The following NR5A2 variants were observed in gnomAD, a reference collection of about 807,000 sequenced individuals.
The protein encoded by NR5A2 is nuclear receptor subfamily 5 group A member 2.
A neutral mutation model predicts 62.7 loss-of-function variants in NR5A2; 26 were observed. The observed-to-expected ratio is 0.41, with a 90% CI of 0.30 to 0.58. The LOEUF (loss-of-function observed/expected upper bound fraction) is 0.58, where lower values mean the gene tolerates loss of function less well. NR5A2 is among the 20% of genes least tolerant of loss of function. The pLI, the probability that NR5A2 is intolerant of heterozygous loss-of-function variation, is 0.22. For missense variants in NR5A2, 541 were observed against 669.1 expected (o/e 0.81, Z 2.11); for synonymous variants, 246 against 241.7 (o/e 1.02, Z -0.16).
chr1:200,036,180 ACTG>A (rs1661770809), intron 1 of NR5A2, among the ~76,000 whole-genome samples: 1 of 152,100 alleles, frequency 6.6e-6, no homozygotes, highest in South Asian at 2.1e-4. Context: ...TTACATCTCA[ACTG>A]CTTTCCCTTC....
At position 200,046,189 on chromosome 1, in the gene NR5A2, C is replaced by T. The variant is rs146003689; in HGVS notation, c.463+605C>T. ...GAGAATCAGGAAACATGAAAAATAA[C>T]GAACTATTAAATCATTAGCAAAGGT... On this transcript the variant is annotated intron_variant, in intron 4 of 7. Coordinates refer to ENST00000367362, the MANE Select transcript of NR5A2 (RefSeq NM_205860.3). Among the ~76,000 whole-genome samples, 1,031 of 152,166 alleles carry T rather than the reference C, an allele frequency of 6.8e-3. 10 individuals are homozygous for T. The highest frequency in any genetic ancestry group is 0.022 in the African/African-American group (926 of 41,540).
chr1:200,147,198 A>G lies in NR5A2; in HGVS notation c.1378+26243A>G, dbSNP rs1667743002. Among the ~76,000 whole-genome samples, 1 of 152,204 alleles carries G rather than the reference A, an allele frequency of 6.6e-6. No homozygotes were observed. The highest frequency in any genetic ancestry group is 1.5e-5 in the Non-Finnish European group (1 of 68,032). On this transcript the variant is annotated intron_variant, in intron 7 of 7. Transcript: ENST00000367362. This position sits in a 1 kb window ranked among gnomAD's most constrained non-coding sequence, Gnocchi z 4.9. ...AAGAAGCAATTGTTTCACGCAAAAA[A>G]TAGAGGGGGGCACCTCGCTGAAGCC... is the stretch of plus-strand genomic sequence containing the variant.
intron 7 of NR5A2, among the ~76,000 whole-genome samples, chr1:200,130,306 GAAGAAGAAGAAGAAGAA>G (rs1666915562): frequency 1.2e-4 from 1 of 8,414 alleles, no homozygotes; most frequent in Admixed American, 2.2e-3. Flanking sequence ...AGAAGAAGAA[GAAGAAGAAGAAGAAGAA>G]AAAAAAAATC....
intron 7 of NR5A2, among the ~76,000 whole-genome samples, chr1:200,150,355 A>G (rs1322148247): frequency 6.6e-6 from 1 of 152,224 alleles, no homozygotes; most frequent in Non-Finnish European, 1.5e-5. Flanking sequence ...ACATGGTGTA[A>G]AGACAAAAAC....
intron 1 of NR5A2, 69 bp downstream of exon 1, chr1:200,027,980 G>T (rs1661405916): frequency 1.8e-6 from 2 of 1,137,730 alleles, no homozygotes; most frequent in Non-Finnish European, 2.5e-6. Flanking sequence ...TAATCTTGTT[G>T]ATGGATTTTG....
chr1:200,040,341 G>C (rs1194749406), intron 2 of NR5A2, among the ~76,000 whole-genome samples: 2 of 152,186 alleles, frequency 1.3e-5, no homozygotes, highest in Non-Finnish European at 2.9e-5. Flanking sequence ...ATTCAACATT[G>C]CTGGCAGAAC....
chr1:200,070,342 G>A (rs951726538), intron 5 of NR5A2, among the ~76,000 whole-genome samples: 3 of 152,040 alleles, frequency 2.0e-5, no homozygotes, highest in Non-Finnish European at 4.4e-5. Flanking sequence ...ATATTTGGGA[G>A]TGTCTGAGGA....
chr1:200,067,493 T>C (rs1215278998), intron 5 of NR5A2, among the ~76,000 whole-genome samples: 1 of 151,506 alleles, frequency 6.6e-6, no homozygotes, highest in Non-Finnish European at 1.5e-5. Context: ...GAGGTGGAGG[T>C]TGCTGTGAGC....
intron 5 of NR5A2, among the ~76,000 whole-genome samples, chr1:200,090,484 G>A (rs1359475644): frequency 6.6e-6 from 1 of 152,154 alleles, no homozygotes; most frequent in East Asian, 1.9e-4. Context: ...GGTGAAAAGG[G>A]CAAATAACAT....
chr1:200,173,954 TTA>T lies in NR5A2; in HGVS notation c.1379-8_1379-7del. ...AATGTTGCTTTTTTTTTTTTTTTTT[TTA>T]ATGCAGATGTCAAAAACCTTGAAAA... On this transcript the variant is annotated splice_region_variant and splice_polypyrimidine_tract_variant and intron_variant, in intron 7 of 7. Transcript: ENST00000367362. 1 of 1,377,002 alleles carries T rather than the reference TTA, an allele frequency of 7.3e-7. No individual in the cohort carries two copies. Among genetic ancestry groups the T allele is most frequent in the Non-Finnish European group, 9.5e-7 (1 of 1,056,548 alleles). 85.3% of individuals were successfully genotyped at this position (1,377,002 alleles called of 1,614,324 possible).
intron 7 of NR5A2, among the ~76,000 whole-genome samples, chr1:200,164,436 C>T (rs1336315157): frequency 6.6e-6 from 1 of 152,014 alleles, no homozygotes; most frequent in Non-Finnish European, 1.5e-5. Flanking sequence ...TAGGTATTCA[C>T]TATACTATGT....
chr1:200,045,730 T>G (rs996804637), intron 4 of NR5A2, 146 bp downstream of exon 4: 2 of 596,942 alleles, frequency 3.4e-6, no homozygotes, highest in East Asian at 3.3e-5. Context: ...ATGTTTCATC[T>G]GCAGAATAGT....
At chr1:200,165,941 C>G (rs1311444477) in intron 7 of NR5A2, among the ~76,000 whole-genome samples, 1 of 152,196 alleles carries the variant, frequency 6.6e-6, no homozygotes, top group Non-Finnish European at 1.5e-5. Context: ...AACTGAAACT[C>G]TATACCCATC....
rs1661976512 is a variant in NR5A2 at position 200,039,812 on chromosome 1, C to T, written c.202+17C>T. ...ACATGCAAGGTAAGGAGGCGCCGCGCGGCGCTCCGGCTCCCGCTGCTTCCC... is the reference window on the plus strand; with the variant it reads ...ACATGCAAGGTAAGGAGGCGCCGCGTGGCGCTCCGGCTCCCGCTGCTTCCC... On this transcript the variant is annotated intron_variant, in intron 2 of 7. Coordinates refer to ENST00000367362, the MANE Select transcript of NR5A2 (RefSeq NM_205860.3). This position sits in a 1 kb window ranked among gnomAD's most constrained non-coding sequence, Gnocchi z 5.1. 6.3e-7 allele frequency: 1 copy of T among 1,585,244 alleles called. No individual in the cohort carries two copies.
Position 200,099,654 on chromosome 1 carries a change from C to T in NR5A2, c.1111-11548C>T, listed in dbSNP as rs986791928. Among the ~76,000 whole-genome samples, 13 of 152,132 alleles carry T rather than the reference C, an allele frequency of 8.5e-5. No individual in the cohort carries two copies. In the East Asian group the frequency reaches 1.2e-3, roughly 14 times the overall value. On this transcript the variant is annotated intron_variant, in intron 5 of 7. Coordinates refer to ENST00000367362, the MANE Select transcript of NR5A2 (RefSeq NM_205860.3). ...TGTCGCCCGGGCTGGAGTGCAGTGG[C>T]GCTATCTCAGCTCACTGCAACCTCT...
At chr1:200,115,003 C>A (rs560996336) in intron 6 of NR5A2, among the ~76,000 whole-genome samples, 7 of 151,844 alleles carry the variant, frequency 4.6e-5, no homozygotes, top group African/African-American at 1.7e-4. Context: ...AAAACAAATT[C>A]ATTTCCTTTT....
At chr1:200,073,002 A>T (rs567273542) in intron 5 of NR5A2, among the ~76,000 whole-genome samples, 1 of 152,120 alleles carries the variant, frequency 6.6e-6, no homozygotes, top group African/African-American at 2.4e-5. Flanking sequence ...CCTCTAGGTG[A>T]CACAAGATGT....
At chr1:200,041,462 C>T (rs940645147) in intron 2 of NR5A2, among the ~76,000 whole-genome samples, 2 of 152,108 alleles carry the variant, frequency 1.3e-5, no homozygotes, top group Non-Finnish European at 2.9e-5. Flanking sequence ...GGGATGGGGA[C>T]CCCATTCTCC....
In NR5A2 at chr1:200,175,491, T is replaced by C. The variant is rs1036463392; in HGVS notation, c.*1281T>C. ...TCGCAAATTCTTCAAATGACTATTA[T>C]CAGTATTATTAACATGCGATGCCAC... On this transcript the variant is annotated 3_prime_UTR_variant, in exon 8 of 8. Transcript: ENST00000367362. The C allele has an allele frequency of 2.6e-5, 4 of 152,682 alleles. No individual in the cohort carries two copies. The highest frequency in any genetic ancestry group is 9.6e-5 in the African/African-American group (4 of 41,458). 9.5% of individuals were successfully genotyped at this position (152,682 alleles called of 1,614,324 possible).
Sources: gnomAD v4.1 joint callset for allele counts (sites outside exome capture counted in the v4.1 genomes callset) on GRCh38, gnomAD v4.1.1 for gene constraint, Gnocchi (gnomAD v3.1) non-coding constraint, MANE v1.5 for transcripts, NCBI Gene and HGNC (gene_info 2026-07-23, HGNC 2026-07-21) for gene names.